The following RPS6KA1 variants were observed in gnomAD, a reference collection of about 807,000 sequenced individuals.
RPS6KA1 encodes the protein ribosomal protein S6 kinase A1.
In RPS6KA1, 48 loss-of-function variants were observed where a neutral mutation model predicts 91.3. That is an observed-to-expected ratio of 0.53 (90% confidence interval 0.42 to 0.67). The LOEUF is 0.67. RPS6KA1 is among the 30% of genes least tolerant of loss of function. RPS6KA1 has a pLI of 0.00. For missense variants in RPS6KA1, 719 were observed against 960.5 expected (o/e 0.75, Z 3.32); for synonymous variants, 359 against 384.7 (o/e 0.93, Z 0.78).
intron 17 of RPS6KA1, among the ~76,000 whole-genome samples, chr1:26,570,139 G>A (rs1000829758): frequency 6.6e-6 from 1 of 152,112 alleles, no homozygotes; most frequent in Non-Finnish European, 1.5e-5. Flanking sequence ...CTGGACTAGG[G>A]TTAGAGATCT....
chr1:26,552,131 TG>T (rs1264541431), intron 6 of RPS6KA1, among the ~76,000 whole-genome samples: 1 of 152,154 alleles, frequency 6.6e-6, no homozygotes, highest in Middle Eastern at 3.2e-3. Context: ...GGCTCACGCC[TG>T]TTATCCCAGC....
At chr1:26,566,183 G>A (rs766804466) in intron 17 of RPS6KA1, among the ~76,000 whole-genome samples, 1 of 151,762 alleles carries the variant, frequency 6.6e-6, no homozygotes, top group Non-Finnish European at 1.5e-5. Context: ...ACTCCCAACA[G>A]AAGTGTGTGA....
At chr1:26,544,245 G>A (rs1262589653) in intron 2 of RPS6KA1, 24 of 455,270 alleles carry the variant, frequency 5.3e-5, no homozygotes, top group South Asian at 2.5e-4. Flanking sequence ...ACCTCTGTCT[G>A]TGGTTGGGTT....
rs550000875 is a variant in RPS6KA1 at position 26,565,772 on chromosome 1, G to A, written c.1590+4109G>A. On this transcript the variant is annotated intron_variant, in intron 17 of 21. Transcript: ENST00000374168. Reference sequence around the variant, plus strand: ...AGGCGGGATTTCACCATGTTGGCCAGGCTGGTCTCGACCTCCTGACCTCAA... The same window carrying A: ...AGGCGGGATTTCACCATGTTGGCCAAGCTGGTCTCGACCTCCTGACCTCAA... Among the ~76,000 whole-genome samples, 5 of 152,172 alleles carry A rather than the reference G, an allele frequency of 3.3e-5. No individual in the cohort carries two copies. The South Asian group carries it at 1.0e-3, about 32-fold the overall frequency.
At chr1:26,573,081 T>TGGAGCA in intron 20 of RPS6KA1, 143 bp from the exon 21 acceptor site, 1 of 821,624 alleles carries the variant, frequency 1.2e-6, no homozygotes, top group Non-Finnish European at 1.9e-6. Flanking sequence ...CGGGGAGCCC[T>TGGAGCA]GGAGCAGAGT....
intron 14 of RPS6KA1, among the ~76,000 whole-genome samples, chr1:26,559,482 T>G (rs1469480081): frequency 6.6e-6 from 1 of 151,734 alleles, no homozygotes; most frequent in Non-Finnish European, 1.5e-5. Flanking sequence ...TTCTCCTGCC[T>G]CAGTCTCCCG....
rs1476265499 is a variant in RPS6KA1, at chr1:26,573,122, G to C, written c.1948-102G>C. 2.4e-6 allele frequency: 3 copies of C among 1,274,058 alleles called. No homozygotes were observed. In the South Asian group the frequency reaches 3.9e-5, roughly 17 times the overall value. The allele number at this position is 1,274,058 out of a possible 1,614,324, so 78.9% of individuals were successfully genotyped here. A position where few individuals can be genotyped will look rare whatever the true frequency, so the allele number is the denominator to read the frequency against. On this transcript the variant is annotated intron_variant, in intron 20 of 21. Coordinates refer to ENST00000374168, the MANE Select transcript of RPS6KA1 (RefSeq NM_002953.4). ...ATGGATCCCAGGGGCTGCCGCAAGG[G>C]TTCAGGCGGGAGCTAGCAGGAGATG...
At position 26,564,281 on chromosome 1, in the gene RPS6KA1, C is replaced by T. The variant is rs184643364; in HGVS notation, c.1590+2618C>T. ...TTAATTTACTTATTTATTTTTGAGA[C>T]GGAGTCTCTCTCTGTCGCCCAGGCT... On this transcript the variant is annotated intron_variant, in intron 17 of 21. Transcript: ENST00000374168. 2.8e-3 allele frequency among the ~76,000 whole-genome samples: 428 copies of T among 152,056 alleles called. 6 individuals are homozygous for T. The highest frequency in any genetic ancestry group is 7.7e-3 in the South Asian group (37 of 4,822).
At position 26,554,847 on chromosome 1, in the gene RPS6KA1, C is replaced by T. The variant is rs375782922; in HGVS notation, c.756+109C>T. On this transcript the variant is annotated intron_variant, in intron 9 of 21. Transcript: ENST00000374168. This position sits in a 1 kb window ranked among gnomAD's most constrained non-coding sequence, Gnocchi z 4.6. ...TTCTAGGGCTCTCCCCGTCTCCTCT[C>T]ACAGCCAAGCTGGCCTCACCCTATA... The T allele has an allele frequency of 1.3e-5, 18 of 1,410,182 alleles. No homozygotes were observed. In the African/African-American group the frequency reaches 2.4e-4, roughly 19 times the overall value. 87.4% of individuals were successfully genotyped at this position (1,410,182 alleles called of 1,614,324 possible).
chr1:26,544,081 C>A, intron 2 of RPS6KA1: 1 of 456,246 alleles, frequency 2.2e-6, no homozygotes, highest in Non-Finnish European at 4.4e-6. Flanking sequence ...CCAGGTACAG[C>A]AGCAAGAACC....
At chr1:26,572,939 G>C (rs1018841552) in intron 20 of RPS6KA1, among the ~76,000 whole-genome samples, 1 of 152,250 alleles carries the variant, frequency 6.6e-6, no homozygotes, top group African/African-American at 2.4e-5. Context: ...ACCTGAATCT[G>C]TCTGAGCCCA....
At chr1:26,560,085 A>T (rs924363949) in intron 14 of RPS6KA1, among the ~76,000 whole-genome samples, 4 of 152,238 alleles carry the variant, frequency 2.6e-5, no homozygotes, top group African/African-American at 9.6e-5. Flanking sequence ...AAAATAAAAA[A>T]TAAAGTTAAG....
At position 26,547,850 on chromosome 1, in the gene RPS6KA1, G is replaced by A. The variant is rs1053628632; in HGVS notation, c.307+580G>A. 4.6e-5 allele frequency among the ~76,000 whole-genome samples: 7 copies of A among 152,210 alleles called. No homozygotes were observed. The highest frequency in any genetic ancestry group is 1.4e-4 in the African/African-American group (6 of 41,446). ...TGGGAACCAGTGTGACCACTGACCC[G>A]GCAGAGTCATAGCCAAGTCTCTCTT... is the stretch of plus-strand genomic sequence containing the variant. On this transcript the variant is annotated intron_variant, in intron 4 of 21. Transcript: ENST00000374168. The surrounding 1 kb of genome is among the most constrained non-coding windows in gnomAD (Gnocchi z 4.1).
chr1:26,537,069 C>A, intron 2 of RPS6KA1, 100 bp downstream of exon 2: 4 of 1,290,952 alleles, frequency 3.1e-6, no homozygotes, highest in Non-Finnish European at 4.5e-6. Flanking sequence ...CCCCTTTGCC[C>A]AACTCAGCCG....
rs781048606 is a variant in RPS6KA1, at chr1:26,551,475, A to G, written c.386A>G (p.Tyr129Cys). Residue 129 changes from tyrosine to cysteine, a missense_variant and splice_region_variant, in exon 5 of 22, where the codon TAT (tyrosine) becomes TGT (cysteine). Physicochemically the swap from Tyr to Cys is radical, Grantham distance 194 (BLOSUM62 -2). Transcript: ENST00000374168. This position sits in a 1 kb window ranked among gnomAD's most constrained non-coding sequence, Gnocchi z 4.5. Reference protein sequence around the residue: ...VNHPFVVKLHYAFQTEGKLYL... With the variant: ...VNHPFVVKLHCAFQTEGKLYL... ...CACCCATTCGTGGTGAAGCTGCACT[A>G]TGGTAAAGCTTCTGGCCCTGCCTGA... 5 of 1,613,918 alleles carry G rather than the reference A, an allele frequency of 3.1e-6. No individual in the cohort carries two copies. Among genetic ancestry groups the G allele is most frequent in the Admixed American group, 3.3e-5 (2 of 60,000 alleles).
chr1:26,530,932 G>C (rs888535430), intron 1 of RPS6KA1: 9 of 1,199,842 alleles, frequency 7.5e-6, no homozygotes, highest in Middle Eastern at 2.6e-4. Flanking sequence ...GTGGTTGTTG[G>C]GGGTATGCAG....
chr1:26,569,730 A>C (rs1488831478), intron 17 of RPS6KA1, among the ~76,000 whole-genome samples: 1 of 152,262 alleles, frequency 6.6e-6, no homozygotes, highest in Non-Finnish European at 1.5e-5. Context: ...TTCATTGCAC[A>C]AAGTTCACTT....
intron 17 of RPS6KA1, among the ~76,000 whole-genome samples, chr1:26,570,736 G>A (rs1447722390): frequency 6.6e-6 from 1 of 152,232 alleles, no homozygotes; most frequent in South Asian, 2.1e-4. Flanking sequence ...TTACATGCCG[G>A]TGGGCAGACT....
intron 2 of RPS6KA1, among the ~76,000 whole-genome samples, chr1:26,542,755 A>T (rs2075958385): frequency 6.6e-6 from 1 of 152,132 alleles, no homozygotes; most frequent in Non-Finnish European, 1.5e-5. Flanking sequence ...GGGGTGGGAC[A>T]CAGTATCTAA....
Sources: allele counts gnomAD v4.1 joint callset (sites outside exome capture counted in the v4.1 genomes callset), GRCh38; gene constraint gnomAD v4.1.1; non-coding constraint Gnocchi (gnomAD v3.1); transcripts MANE v1.5; gene names NCBI Gene and HGNC (gene_info 2026-07-23, HGNC 2026-07-21).